The following STK35 variants were observed in gnomAD, a reference collection of about 807,000 sequenced individuals.
STK35 encodes serine/threonine kinase 35, also known as serine/threonine-protein kinase 35.
A neutral mutation model predicts 37.3 loss-of-function variants in STK35; 17 were observed. The observed-to-expected ratio is 0.46, with a 90% CI of 0.31 to 0.68. The LOEUF is 0.68. Ranked by LOEUF, STK35 falls within the 30% of genes least tolerant of loss-of-function variation. The pLI is 0.05. For synonymous variants in STK35, 385 were observed against 319.1 expected (o/e 1.21, Z -2.20); for missense variants, 595 against 746.7 (o/e 0.80, Z 2.37).
Position 2,116,922 on chromosome 20 carries a change from A to T in STK35, c.1149A>T (p.Gly383=). ...CCATCCTCAAAGTGGCCGACTTTGG[A>T]CTAAGCAAGGTCTGTGCTGGGCTGG... The part of the protein sequence containing the change: ...GTPILKVADF[G]LSKVCAGLAP... Residue 383 remains glycine (G), a synonymous_variant, in exon 3 of 4, where the codon GGA becomes GGT. Transcript: ENST00000381482. 6.2e-7 allele frequency: 1 copy of T among 1,614,188 alleles called. No homozygotes were observed. Among genetic ancestry groups the T allele is most frequent in the Non-Finnish European group, 8.5e-7 (1 of 1,180,032 alleles).
At chr20:2,107,782 CTCT>C (rs1350346431) in intron 2 of STK35, among the ~76,000 whole-genome samples, 1 of 152,216 alleles carries the variant, frequency 6.6e-6, no homozygotes, top group Non-Finnish European at 1.5e-5. Flanking sequence ...AGAAAAGCAA[CTCT>C]GAATCCTCTT....
At chr20:2,124,096 C>T (rs1985864557) in intron 3 of STK35, among the ~76,000 whole-genome samples, 1 of 152,136 alleles carries the variant, frequency 6.6e-6, no homozygotes. Flanking sequence ...GGTTTATTGC[C>T]TCATTGAATC....
intron 2 of STK35, among the ~76,000 whole-genome samples, chr20:2,105,595 G>C (rs1985499218): frequency 6.6e-6 from 1 of 152,196 alleles, no homozygotes; most frequent in South Asian, 2.1e-4. Context: ...CCTGTGAGGA[G>C]CATTCCTTTA....
chr20:2,103,516 C>T (rs2122535729), intron 2 of STK35, 151 bp downstream of exon 2: 3 of 722,058 alleles, frequency 4.2e-6, no homozygotes, highest in Non-Finnish European at 6.6e-6. Context: ...TGGGCCCAGG[C>T]ATTCGGCCCT....
At chr20:2,104,159 G>A (rs534529806) in intron 2 of STK35, among the ~76,000 whole-genome samples, 2 of 152,282 alleles carry the variant, frequency 1.3e-5, no homozygotes, top group African/African-American at 4.8e-5. Context: ...TAGTTTCCGG[G>A]TTTTAACTGC....
Position 2,146,742 on chromosome 20 carries a change from A to G in STK35, c.*2996A>G, listed in dbSNP as rs1459676184. On this transcript the variant is annotated 3_prime_UTR_variant, in exon 4 of 4. Transcript: ENST00000381482. ...CCAACACCCTCTTCCTGAGGGCTGT[A>G]GCCAGGTCCGCATCTCCCCACCACC... 6.5e-6 allele frequency: 1 copy of G among 152,770 alleles called. No homozygotes were observed. Among genetic ancestry groups the G allele is most frequent in the Non-Finnish European group, 1.5e-5 (1 of 68,226 alleles). The allele number at this position is 152,770 out of a possible 1,614,324, so 9.5% of individuals were successfully genotyped here.
intron 3 of STK35, among the ~76,000 whole-genome samples, chr20:2,130,314 T>G (rs967274764): frequency 5.3e-5 from 8 of 152,304 alleles, no homozygotes; most frequent in Admixed American, 3.9e-4. Context: ...CACAGAATGG[T>G]CCCTTGGACT....
rs1986214909 is a variant in STK35, at chr20:2,143,972, CT to C, written c.*227del. 4 of 285,128 alleles carry C rather than the reference CT, an allele frequency of 1.4e-5. 1 individual carries two copies. The highest frequency in any genetic ancestry group is 1.2e-4 in the South Asian group (4 of 33,178). 17.7% of individuals were successfully genotyped at this position (285,128 alleles called of 1,614,324 possible). A position where few individuals can be genotyped will look rare whatever the true frequency, so the allele number is the denominator to read the frequency against. On this transcript the variant is annotated 3_prime_UTR_variant, in exon 4 of 4. Coordinates refer to ENST00000381482, the MANE Select transcript of STK35 (RefSeq NM_080836.4). The stretch of plus-strand genomic sequence containing the variant: ...CCTTTTCTTTTCTTTTTTTTTTTTC[CT>C]CTTTCCTTTTTTTAAATTTAAACCA...
chr20:2,102,943 C>G lies in STK35; in HGVS notation c.470C>G (p.Pro157Arg), dbSNP rs1420050875. 2.0e-6 allele frequency: 3 copies of G among 1,500,520 alleles called. No homozygotes were observed. The highest frequency in any genetic ancestry group is 2.8e-5 in the East Asian group (1 of 35,776). The allele number at this position is 1,500,520 out of a possible 1,614,324, so 93.0% of individuals were successfully genotyped here. ...SPERKRRSPVPRAPSTKLRPA... is the reference protein window; with the variant it reads ...SPERKRRSPVRRAPSTKLRPA... ...GAGCGGAAAAGGCGAAGCCCAGTGC[C>G]GCGGGCGCCCAGCACGAAGCTGAGG... The change falls in exon 2 of 4, where the codon CCG becomes CGG. Residue 157 changes from proline (P) to arginine (R), a missense_variant. By Grantham distance (103) the Pro-to-Arg change is moderately radical. Around this residue, in one of 3 missense-constraint regions of STK35, gnomAD observed 389 missense variants for 320.0 expected, o/e 1.22. Transcript: ENST00000381482.
chr20:2,102,806 C>A lies in STK35; in HGVS notation c.333C>A (p.Ala111=). 6.6e-7 allele frequency: 1 copy of A among 1,504,202 alleles called. No homozygotes were observed. The highest frequency in any genetic ancestry group is 8.8e-7 in the Non-Finnish European group (1 of 1,131,178). The allele number at this position is 1,504,202 out of a possible 1,614,324, so 93.2% of individuals were successfully genotyped here. A position where few individuals can be genotyped will look rare whatever the true frequency, so the allele number is the denominator to read the frequency against. Residue 111 remains alanine, a synonymous_variant, in exon 2 of 4, where the codon GCC becomes GCA. Coordinates refer to ENST00000381482, the MANE Select transcript of STK35 (RefSeq NM_080836.4). ...GTCCGGCTCCTCCGCGTCCCAGGGC[C>A]GGACGGAGGGATGAGGCAGGGGGGG... ...IQGPAPPRPR[A]GRRDEAGGAR...
At position 2,144,457 on chromosome 20, in the gene STK35, G is replaced by A. The variant is rs1173644609; in HGVS notation, c.*711G>A. The A allele has an allele frequency of 6.4e-6, 1 of 156,264 alleles. No homozygotes were observed. The highest frequency in any genetic ancestry group is 1.4e-5 in the Non-Finnish European group (1 of 70,362). The allele number at this position is 156,264 out of a possible 1,614,324, so 9.7% of individuals were successfully genotyped here. A position where few individuals can be genotyped will look rare whatever the true frequency, so the allele number is the denominator to read the frequency against. ...CAGGCTTTGTTGTGTTTAAGCTATT[G>A]AGAGCCCCAGGCCACACCAGGACTT... is the stretch of plus-strand genomic sequence containing the variant. On this transcript the variant is annotated 3_prime_UTR_variant, in exon 4 of 4. Coordinates refer to ENST00000381482, the MANE Select transcript of STK35 (RefSeq NM_080836.4).
chr20:2,123,925 A>G (rs1251638623), intron 3 of STK35, among the ~76,000 whole-genome samples: 2 of 152,148 alleles, frequency 1.3e-5, no homozygotes, highest in Non-Finnish European at 2.9e-5. Context: ...AGCGCCAAAG[A>G]TGACCAAAAC....
chr20:2,148,295 A>G lies in STK35; in HGVS notation c.*4549A>G, dbSNP rs1445668913. 6.5e-6 allele frequency: 1 copy of G among 152,674 alleles called. No individual in the cohort carries two copies. Among genetic ancestry groups the G allele is most frequent in the African/African-American group, 2.4e-5 (1 of 41,466 alleles). The allele number at this position is 152,674 out of a possible 1,614,324, so 9.5% of individuals were successfully genotyped here. A position where few individuals can be genotyped will look rare whatever the true frequency, so the allele number is the denominator to read the frequency against. ...TAAGCCAGGCACAAAGTTAGTTTCCAATACTAGTTAATAAATCTATTTTTC... is the reference window on the plus strand; with the variant it reads ...TAAGCCAGGCACAAAGTTAGTTTCCGATACTAGTTAATAAATCTATTTTTC... On this transcript the variant is annotated 3_prime_UTR_variant, in exon 4 of 4. Transcript: ENST00000381482.
At chr20:2,123,472 A>G (rs2122562831) in intron 3 of STK35, among the ~76,000 whole-genome samples, 1 of 152,222 alleles carries the variant, frequency 6.6e-6, no homozygotes, top group South Asian at 2.1e-4. Flanking sequence ...GTACAACCCT[A>G]ATCAAAGACA....
At position 2,102,137 on chromosome 20, in the gene STK35, G is replaced by T. The variant is rs1348913454; in HGVS notation, c.256G>T (p.Gly86Trp). 3 of 1,398,474 alleles carry T rather than the reference G, an allele frequency of 2.1e-6. No individual in the cohort carries two copies. The East Asian group carries it at 8.8e-5, about 41-fold the overall frequency. The allele number at this position is 1,398,474 out of a possible 1,614,324, so 86.6% of individuals were successfully genotyped here. ...CCATCCCCAGGCAGGGGCTCCAGGGGGGAAACGGGCCGCCCGGAAGTGGAG... is the reference window on the plus strand; with the variant it reads ...CCATCCCCAGGCAGGGGCTCCAGGGTGGAAACGGGCCGCCCGGAAGTGGAG... ...ADHPQAGAPGGKRAARKWRCA... is the reference protein window; with the variant it reads ...ADHPQAGAPGWKRAARKWRCA... Residue 86 changes from glycine to tryptophan, a missense_variant, in exon 1 of 4, where the codon GGG (glycine) becomes TGG (tryptophan). This residue lies in a region of STK35 where 389 missense variants were observed against 320.0 expected (regional missense o/e 1.22). Coordinates refer to ENST00000381482, the MANE Select transcript of STK35 (RefSeq NM_080836.4).
intron 3 of STK35, among the ~76,000 whole-genome samples, chr20:2,120,322 A>G (rs1985794225): frequency 6.6e-6 from 1 of 152,198 alleles, no homozygotes; most frequent in South Asian, 2.1e-4. Context: ...ATGTAGGAGA[A>G]ATAGGCGACC....
intron 2 of STK35, among the ~76,000 whole-genome samples, chr20:2,112,621 T>G (rs1434471006): frequency 6.6e-6 from 1 of 152,180 alleles, no homozygotes; most frequent in Non-Finnish European, 1.5e-5. Context: ...GGGCAGACTC[T>G]GAAGCCTTTC....
At chr20:2,106,523 A>G (rs1229103103) in intron 2 of STK35, among the ~76,000 whole-genome samples, 1 of 152,234 alleles carries the variant, frequency 6.6e-6, no homozygotes, top group Admixed American at 6.5e-5. Flanking sequence ...AATGCTATTC[A>G]AGATCACTGG....
chr20:2,139,884 AT>A (rs1986145174), intron 3 of STK35, among the ~76,000 whole-genome samples: 1 of 152,138 alleles, frequency 6.6e-6, no homozygotes, highest in African/African-American at 2.4e-5. Flanking sequence ...TTCATAGCAC[AT>A]TTTCCCAGAT....
Sources: gnomAD v4.1 joint callset for allele counts (sites outside exome capture counted in the v4.1 genomes callset) on GRCh38, gnomAD v4.1.1 for gene constraint, gnomAD v4.1.1 regional missense constraint, MANE v1.5 for transcripts, NCBI Gene and HGNC (gene_info 2026-07-23, HGNC 2026-07-21) for gene names.